Variants in LGSN observed in about 807,000 individuals in gnomAD.
LGSN encodes the protein lengsin.
A neutral mutation model predicts 19.5 loss-of-function variants in LGSN; 21 were observed. That is an observed-to-expected ratio of 1.07 (90% CI 0.76 to 1.55). The LOEUF is 1.55. Ranked by LOEUF, LGSN falls within the 40% of genes most tolerant of loss-of-function variation. The pLI is 0.00. For synonymous variants in LGSN, 257 were observed against 215.6 expected (o/e 1.19, Z -1.68); for missense variants, 673 against 608.5 (o/e 1.11, Z -1.12).
chr6:63,425,958 G>A, the LGSN span, among the ~76,000 whole-genome samples: 2 of 152,088 alleles, frequency 1.3e-5, no homozygotes, highest in Non-Finnish European at 2.9e-5. Context: ...AGGAAACTCG[G>A]TAAAGGGTAC....
At chr6:63,359,383 G>A in the LGSN span, among the ~76,000 whole-genome samples, 1 of 152,164 alleles carries the variant, frequency 6.6e-6, no homozygotes, top group Non-Finnish European at 1.5e-5. Flanking sequence ...TTTTTCTATT[G>A]ATTGGAAAAG....
intron 2 of LGSN, chr6:63,293,564 T>C: frequency 3.2e-6 from 1 of 316,952 alleles, no homozygotes; most frequent in Non-Finnish European, 6.3e-6. Context: ...GGGCTAGTAT[T>C]CCTCAACCAA....
At position 63,278,267 on chromosome 6, in the gene LGSN, G is replaced by A. The variant is rs561748426; in HGVS notation, c.*1754C>T. On this transcript the variant is annotated 3_prime_UTR_variant, in exon 4 of 4. Transcript: ENST00000370657. ...TTGAGGTTTTATTACTGAGAACAGA[G>A]GGGAAAATGAACAGAGGGGAATTTT... 6.6e-6 allele frequency: 1 copy of A among 152,054 alleles called. No homozygotes were observed. The highest frequency in any genetic ancestry group is 2.1e-4 in the South Asian group (1 of 4,810). 9.4% of individuals were successfully genotyped at this position (152,054 alleles called of 1,614,324 possible).
chr6:63,547,471 T>A, the LGSN span, among the ~76,000 whole-genome samples: 1 of 150,598 alleles, frequency 6.6e-6, no homozygotes, highest in Admixed American at 6.6e-5. Context: ...ATTACAGGCG[T>A]CTGCCACCTC....
the LGSN span, among the ~76,000 whole-genome samples, chr6:63,417,936 G>A: frequency 1.3e-5 from 2 of 152,202 alleles, no homozygotes; most frequent in South Asian, 2.1e-4. Flanking sequence ...AAATTATTTT[G>A]TAACACAGCA....
chr6:63,472,889 C>T, the LGSN span, among the ~76,000 whole-genome samples: 5 of 151,694 alleles, frequency 3.3e-5, no homozygotes, highest in South Asian at 2.1e-4. Flanking sequence ...TGCAGTGAGC[C>T]GAGATCATGC....
chr6:63,568,018 T>A, the LGSN span, among the ~76,000 whole-genome samples: 1 of 152,246 alleles, frequency 6.6e-6, no homozygotes, highest in East Asian at 1.9e-4. Flanking sequence ...GTTAAGGCCT[T>A]GCTCTGAATT....
chr6:63,456,782 C>T, the LGSN span, among the ~76,000 whole-genome samples: 1 of 152,078 alleles, frequency 6.6e-6, no homozygotes, highest in Non-Finnish European at 1.5e-5. Context: ...ATAGCACCCC[C>T]TTCATCAAAG....
chr6:63,452,796 A>G, the LGSN span, among the ~76,000 whole-genome samples: 1 of 150,844 alleles, frequency 6.6e-6, no homozygotes, highest in Non-Finnish European at 1.5e-5. Flanking sequence ...TATTGATTTC[A>G]TCTCTTATTT....
the LGSN span, among the ~76,000 whole-genome samples, chr6:63,333,406 C>T: frequency 6.8e-6 from 1 of 146,420 alleles, no homozygotes; most frequent in Non-Finnish European, 1.5e-5. Flanking sequence ...ATTACCCTGG[C>T]ACCAAAACCA....
At chr6:63,543,019 C>T in the LGSN span, among the ~76,000 whole-genome samples, 14 of 152,274 alleles carry the variant, frequency 9.2e-5, no homozygotes, top group Admixed American at 2.6e-4. Context: ...AGTTCCACTA[C>T]CCATCACAAC....
chr6:63,429,116 C>T, the LGSN span, among the ~76,000 whole-genome samples: 1 of 152,134 alleles, frequency 6.6e-6, no homozygotes, highest in South Asian at 2.1e-4. Context: ...AAGCATGGTC[C>T]CATTAGCACA....
At chr6:63,463,110 A>G in the LGSN span, among the ~76,000 whole-genome samples, 7 of 152,304 alleles carry the variant, frequency 4.6e-5, no homozygotes, top group African/African-American at 1.7e-4. Flanking sequence ...TGGATCCTCC[A>G]CTGCTAGTTG....
the LGSN span, among the ~76,000 whole-genome samples, chr6:63,397,692 G>T: frequency 2.0e-5 from 3 of 152,144 alleles, no homozygotes; most frequent in African/African-American, 4.8e-5. Flanking sequence ...AAGGAGGCTG[G>T]ATCACTTGAG....
chr6:63,398,167 T>C, the LGSN span, among the ~76,000 whole-genome samples: 1 of 147,370 alleles, frequency 6.8e-6, no homozygotes, highest in Non-Finnish European at 1.5e-5. Context: ...ATATTTACTA[T>C]ACTATATTTT....
At chr6:63,469,718 T>C in the LGSN span, among the ~76,000 whole-genome samples, 1 of 152,322 alleles carries the variant, frequency 6.6e-6, no homozygotes, top group African/African-American at 2.4e-5. Flanking sequence ...AAGTTGCATT[T>C]ATTGTTTTGT....
the LGSN span, among the ~76,000 whole-genome samples, chr6:63,340,616 T>A: frequency 7.3e-6 from 1 of 137,536 alleles, no homozygotes; most frequent in Admixed American, 7.0e-5. Context: ...TCTGTTTGGC[T>A]TTTTTTTTTA....
the LGSN span, among the ~76,000 whole-genome samples, chr6:63,330,724 T>C: frequency 1.3e-5 from 2 of 152,216 alleles, no homozygotes; most frequent in Non-Finnish European, 2.9e-5. Flanking sequence ...TGAGGATCCA[T>C]ACTGGGGATG....
rs1767179100 is a variant in LGSN at position 63,278,831 on chromosome 6, T to A, written c.*1190A>T. 6.6e-6 allele frequency: 1 copy of A among 152,208 alleles called. No individual in the cohort carries two copies. The highest frequency in any genetic ancestry group is 1.5e-5 in the Non-Finnish European group (1 of 68,038). 9.4% of individuals were successfully genotyped at this position (152,208 alleles called of 1,614,324 possible). On this transcript the variant is annotated 3_prime_UTR_variant, in exon 4 of 4. Coordinates refer to ENST00000370657, the MANE Select transcript of LGSN (RefSeq NM_016571.3). ...TCACTATTTAAGCTACTGAGTAATATGAATTTTAATAAGAGGATCTGAGCC... is the reference window on the plus strand; with the variant it reads ...TCACTATTTAAGCTACTGAGTAATAAGAATTTTAATAAGAGGATCTGAGCC...
Sources: allele counts gnomAD v4.1 joint callset (sites outside exome capture counted in the v4.1 genomes callset), GRCh38; gene constraint gnomAD v4.1.1; transcripts MANE v1.5; gene names NCBI Gene and HGNC (gene_info 2026-07-23, HGNC 2026-07-21).